C22orf23: variants seen among roughly 807,000 people sequenced by gnomAD.
C22orf23 encodes UPF0193 protein EVG1.
C22orf23 carries 30 observed loss-of-function variants against 29.7 expected under a neutral mutation model. That is an observed-to-expected ratio of 1.01 (90% CI 0.76 to 1.37). The LOEUF is 1.37. C22orf23 is among the 40% of genes most tolerant of loss of function. C22orf23 has a pLI of 0.00. For synonymous variants in C22orf23, 90 were observed against 96.1 expected, an observed-to-expected ratio of 0.94 and a Z score of 0.37; for missense variants, 237 against 273.1, an observed-to-expected ratio of 0.87 and a Z score of 0.93.
rs1243033048 is a variant in C22orf23, at chr22:37,943,299, G to A, written c.*876C>T. 6.6e-6 allele frequency: 1 copy of A among 152,224 alleles called. No individual in the cohort carries two copies. The highest frequency in any genetic ancestry group is 1.5e-5 in the Non-Finnish European group (1 of 68,114). 9.4% of individuals were successfully genotyped at this position (152,224 alleles called of 1,614,324 possible). Reference sequence around the variant, plus strand: ...GGCCTCGCAGATGCACAAGCACGGAGCTGGTGGGTTTTGCCCAAGAAAGGT... The same window carrying A: ...GGCCTCGCAGATGCACAAGCACGGAACTGGTGGGTTTTGCCCAAGAAAGGT... On this transcript the variant is annotated 3_prime_UTR_variant, in exon 7 of 7. Coordinates refer to ENST00000403305, the MANE Select transcript of C22orf23 (RefSeq NM_032561.5).
At chr22:37,949,463 T>G (rs958694451) in intron 3 of C22orf23, among the ~76,000 whole-genome samples, 26 of 139,172 alleles carry the variant, frequency 1.9e-4, no homozygotes, top group African/African-American at 7.7e-4. Context: ...TTTTTTTTTT[T>G]TTTTTTTTTT....
rs180787379 is a variant in C22orf23, at chr22:37,951,708, T to C, written c.104-186A>G. 24 of 399,282 alleles carry C rather than the reference T, an allele frequency of 6.0e-5. No individual in the cohort carries two copies. The East Asian group carries it at 8.2e-4, about 14-fold the overall frequency. 24.7% of individuals were successfully genotyped at this position (399,282 alleles called of 1,614,324 possible). A position where few individuals can be genotyped will look rare whatever the true frequency, so the allele number is the denominator to read the frequency against. Reference sequence around the variant, plus strand: ...CTAAAATTCTATATATTTTATTTTATTGTTATCCTTCTATATTAGCTGTAT... The same window carrying C: ...CTAAAATTCTATATATTTTATTTTACTGTTATCCTTCTATATTAGCTGTAT... On this transcript the variant is annotated intron_variant, in intron 2 of 6. Transcript: ENST00000403305.
In C22orf23 at chr22:37,953,590, T is replaced by C; in HGVS notation, c.-152A>G. On this transcript the variant is annotated 5_prime_UTR_variant, in exon 1 of 7. Transcript: ENST00000403305. The stretch of plus-strand genomic sequence containing the variant: ...GCTGCTGGAGCTGGCAGCTAGCGCC[T>C]CTCGCTACTATAGAAACGCGCACAC... 11 of 628,898 alleles carry C rather than the reference T, an allele frequency of 1.7e-5. No homozygotes were observed. The highest frequency in any genetic ancestry group is 1.2e-4 in the South Asian group (6 of 48,122). 39.0% of individuals were successfully genotyped at this position (628,898 alleles called of 1,614,324 possible). A position where few individuals can be genotyped will look rare whatever the true frequency, so the allele number is the denominator to read the frequency against.
intron 3 of C22orf23, 147 bp downstream of exon 3, chr22:37,951,313 C>T: frequency 1.4e-6 from 1 of 706,836 alleles, no homozygotes; most frequent in Non-Finnish European, 2.4e-6. Context: ...ACCTCAGCCT[C>T]CCAGTGTTGG....
chr22:37,949,383 A>G (rs1229161491), intron 3 of C22orf23, among the ~76,000 whole-genome samples: 1 of 150,330 alleles, frequency 6.7e-6, no homozygotes, highest in Non-Finnish European at 1.5e-5. Flanking sequence ...TCCTGGGTAC[A>G]AGCGATTCTT....
At chr22:37,951,976 C>T (rs1460284109) in intron 2 of C22orf23, among the ~76,000 whole-genome samples, 2 of 151,506 alleles carry the variant, frequency 1.3e-5, no homozygotes. Flanking sequence ...CCACCACGCC[C>T]GGCTAATTTT....
chr22:37,949,366 C>T (rs1484879123), intron 3 of C22orf23, among the ~76,000 whole-genome samples: 1 of 151,432 alleles, frequency 6.6e-6, no homozygotes, highest in African/African-American at 2.4e-5. Flanking sequence ...TCTCTGCAAC[C>T]TACACCTCCT....
chr22:37,947,308 G>A lies in C22orf23; in HGVS notation c.322C>T (p.Arg108Trp), dbSNP rs777100797. The change falls in exon 4 of 7, where the codon CGG (arginine) becomes TGG (tryptophan). Residue 108 changes from arginine to tryptophan, a missense_variant. Coordinates refer to ENST00000403305, the MANE Select transcript of C22orf23 (RefSeq NM_032561.5). ...GTGGCTTGAGGCTTGAACTGCTCCC[G>A]GCTGTAGGCCCCATTGGCTTGACAC... The part of the protein sequence containing the change: ...NMCQANGAYS[R>W]EQFKPQATRD... 2.3e-5 allele frequency: 37 copies of A among 1,613,848 alleles called. No individual in the cohort carries two copies. In the Admixed American group the frequency reaches 2.7e-4, roughly 12 times the overall value.
rs1471120779 is a variant in C22orf23, at chr22:37,953,452, A to C, written c.-14T>G. On this transcript the variant is annotated 5_prime_UTR_variant, in exon 1 of 7. Coordinates refer to ENST00000403305, the MANE Select transcript of C22orf23 (RefSeq NM_032561.5). ...ATGCCAAAATTGAAATTTCACCCTA[A>C]GACCCTCTCTGGGTGCTCCCCTCTC... 5.5e-6 allele frequency: 3 copies of C among 544,162 alleles called. No homozygotes were observed. In the African/African-American group the frequency reaches 5.8e-5, roughly 11 times the overall value. The allele number at this position is 544,162 out of a possible 1,614,324, so 33.7% of individuals were successfully genotyped here.
rs1930604845 is a variant in C22orf23, at chr22:37,944,934, A to C, written c.481+108T>G. 5 of 1,074,452 alleles carry C rather than the reference A, an allele frequency of 4.7e-6. No individual in the cohort carries two copies. In the East Asian group the frequency reaches 1.2e-4, roughly 27 times the overall value. The allele number at this position is 1,074,452 out of a possible 1,614,324, so 66.6% of individuals were successfully genotyped here. On this transcript the variant is annotated intron_variant, in intron 5 of 6. Coordinates refer to ENST00000403305, the MANE Select transcript of C22orf23 (RefSeq NM_032561.5). ...AATAAATAAATAAATAGTGTTTCTC[A>C]CTTGTTGGCCCTTGGCCCTCAGGGA...
rs2145702650 is a variant in C22orf23 at position 37,948,939 on chromosome 22, GAT to G, written c.167-1478_167-1477del. ...GCTATATACTAGTATCCTTAGAATGGATACATTATTTATTCAGCTCACCTCCT... is the reference window on the plus strand; with the variant it reads ...GCTATATACTAGTATCCTTAGAATGGACATTATTTATTCAGCTCACCTCCT... On this transcript the variant is annotated intron_variant, in intron 3 of 6. Transcript: ENST00000403305. Among the ~76,000 whole-genome samples, 4 of 152,186 alleles carry G rather than the reference GAT, an allele frequency of 2.6e-5. No individual in the cohort carries two copies. In the East Asian group the frequency reaches 7.7e-4, roughly 29 times the overall value.
intron 3 of C22orf23, among the ~76,000 whole-genome samples, chr22:37,948,372 C>T (rs944736238): frequency 1.3e-5 from 2 of 152,012 alleles, no homozygotes; most frequent in African/African-American, 4.8e-5. Context: ...ATCACTTGAA[C>T]CCAGGAGGTG....
In C22orf23 at chr22:37,945,091, A is replaced by AG; in HGVS notation, c.431dup (p.Pro145SerfsTer10). The AG allele has an allele frequency of 6.2e-7, 1 of 1,613,652 alleles. No homozygotes were observed. The highest frequency in any genetic ancestry group is 1.1e-5 in the South Asian group (1 of 91,048). ...GGGCTGGAGCCTTCTGTCGTGCAGG[A>AG]GGGGCCTTTCTTTTCCGTTCCTCCA... On this transcript the variant is annotated frameshift_variant, in exon 5 of 7. Coordinates refer to ENST00000403305, the MANE Select transcript of C22orf23 (RefSeq NM_032561.5). LOFTEE classifies it high-confidence loss of function.
chr22:37,948,841 A>T lies in C22orf23; in HGVS notation c.167-1378T>A, dbSNP rs576317322. Reference sequence around the variant, plus strand: ...GTACTGTAATATATTAAAATAACAGACTCTTTTCACTTAACATTTTTTCAT... The same window carrying T: ...GTACTGTAATATATTAAAATAACAGTCTCTTTTCACTTAACATTTTTTCAT... On this transcript the variant is annotated intron_variant, in intron 3 of 6. Coordinates refer to ENST00000403305, the MANE Select transcript of C22orf23 (RefSeq NM_032561.5). Among the ~76,000 whole-genome samples the T allele has an allele frequency of 2.8e-4, 43 of 151,898 alleles. 1 individual carries two copies. The South Asian group carries it at 8.7e-3, about 31-fold the overall frequency.
Position 37,953,433 on chromosome 22 carries a change from A to C in C22orf23, c.-10+15T>G, listed in dbSNP as rs1931198046. The C allele has an allele frequency of 1.9e-6, 1 of 536,090 alleles. No individual in the cohort carries two copies. The highest frequency in any genetic ancestry group is 1.9e-5 in the African/African-American group (1 of 51,416). 33.2% of individuals were successfully genotyped at this position (536,090 alleles called of 1,614,324 possible). ...ACAGTACCCACTGAGTGATATGCCA[A>C]AATTGAAATTTCACCCTAAGACCCT... On this transcript the variant is annotated intron_variant, in intron 1 of 6. Coordinates refer to ENST00000403305, the MANE Select transcript of C22orf23 (RefSeq NM_032561.5).
chr22:37,951,574 C>T, intron 2 of C22orf23, 52 bp from the exon 3 acceptor site: 1 of 1,477,440 alleles, frequency 6.8e-7, no homozygotes, highest in Non-Finnish European at 9.5e-7. Flanking sequence ...CGGATGCCTT[C>T]ACCTGACACC....
At chr22:37,953,638 T>C, upstream of C22orf23, 3 of 935,222 alleles carry the variant, frequency 3.2e-6, no homozygotes, top group Non-Finnish European at 4.7e-6. Flanking sequence ...ATGCGCACTT[T>C]CCCCGCTCTG....
intron 5 of C22orf23, 67 bp from the exon 6 acceptor site, chr22:37,944,584 A>C: frequency 1.5e-6 from 2 of 1,362,510 alleles, no homozygotes; most frequent in South Asian, 2.4e-5. Context: ...TCTCTTGAGG[A>C]GAGGAAGTGG....
At chr22:37,951,607 A>C (rs1010665621) in intron 2 of C22orf23, 85 bp from the exon 3 acceptor site, 2 of 1,183,868 alleles carry the variant, frequency 1.7e-6, no homozygotes, top group African/African-American at 3.0e-5. Context: ...AAAACCCTAC[A>C]TCCTAGCCCC....
Sources: gnomAD v4.1 joint callset for allele counts (sites outside exome capture counted in the v4.1 genomes callset) on GRCh38, gnomAD v4.1.1 for gene constraint, MANE v1.5 for transcripts, NCBI Gene and HGNC (gene_info 2026-07-23, HGNC 2026-07-21) for gene names.